The following PCDHAC2 variants were observed in gnomAD, a reference collection of about 807,000 sequenced individuals.
PCDHAC2 encodes the protein protocadherin alpha subfamily C, 2.
PCDHAC2 carries 24 observed loss-of-function variants against 63.3 expected under a neutral mutation model. That is an observed-to-expected ratio of 0.38 (90% CI 0.27 to 0.53). The LOEUF (loss-of-function observed/expected upper bound fraction) is 0.53. Ranked by LOEUF, PCDHAC2 falls within the 20% of genes least tolerant of loss-of-function variation. The pLI, the probability that PCDHAC2 is intolerant of heterozygous loss-of-function variation, is 0.81. For synonymous variants in PCDHAC2, 569 were observed against 529.4 expected (o/e 1.07, Z -1.03); for missense variants, 1,181 against 1,275.2 (o/e 0.93, Z 1.12).
At chr5:140,986,231 C>A (rs2097191592) in intron 3 of PCDHAC2, among the ~76,000 whole-genome samples, 1 of 152,210 alleles carries the variant, frequency 6.6e-6, no homozygotes, top group African/African-American at 2.4e-5. Context: ...AGCCTCCCCT[C>A]TGTGTGAGCA....
At chr5:140,991,472 C>G (rs1480480128) in intron 3 of PCDHAC2, among the ~76,000 whole-genome samples, 1 of 152,172 alleles carries the variant, frequency 6.6e-6, no homozygotes, top group African/African-American at 2.4e-5. Context: ...TCTTACAGTT[C>G]TGGAAGTCAG....
rs782760741 is a variant in PCDHAC2 at position 140,968,641 on chromosome 5, C to T, written c.1875C>T (p.Ala625=). ...ATGCTTGGCTTTTTTACCATCTAGC[C>T]CAGACTTCTGACCTGGACCTCTTTA... is the stretch of plus-strand genomic sequence containing the variant. ...GQNAWLFYHL[A]QTSDLDLFKV... is the part of the protein sequence containing the mutation. Residue 625 remains alanine (A), a synonymous_variant, in exon 1 of 4, where the codon GCC becomes GCT. Transcript: ENST00000289269. The T allele has an allele frequency of 7.4e-6, 12 of 1,614,006 alleles. No individual in the cohort carries two copies. Among genetic ancestry groups the T allele is most frequent in the East Asian group, 4.5e-5 (2 of 44,884 alleles).
At position 141,010,430 on chromosome 5, in the gene PCDHAC2, A is replaced by T; in HGVS notation, c.*493A>T. On this transcript the variant is annotated 3_prime_UTR_variant, in exon 4 of 4. Transcript: ENST00000289269. ...CTAATTGGTACAAGGAAGGCAAGAA[A>T]ACAAAGACAAATAAACAGCGGAAGT... 9.4e-7 allele frequency: 1 copy of T among 1,058,474 alleles called. No homozygotes were observed. Among genetic ancestry groups the T allele is most frequent in the Non-Finnish European group, 1.3e-6 (1 of 756,992 alleles). 65.6% of individuals were successfully genotyped at this position (1,058,474 alleles called of 1,614,324 possible). A position where few individuals can be genotyped will look rare whatever the true frequency, so the allele number is the denominator to read the frequency against.
chr5:140,975,903 C>A (rs1189531342), intron 1 of PCDHAC2, among the ~76,000 whole-genome samples: 1 of 152,090 alleles, frequency 6.6e-6, no homozygotes, highest in Admixed American at 6.6e-5. Context: ...AGTTTTGTGA[C>A]CATTATTCTA....
chr5:140,990,232 C>T (rs983376308), intron 3 of PCDHAC2, among the ~76,000 whole-genome samples: 4 of 152,054 alleles, frequency 2.6e-5, no homozygotes, highest in Non-Finnish European at 4.4e-5. Flanking sequence ...TTGTAACTAG[C>T]GTTGTATTCC....
intron 2 of PCDHAC2, among the ~76,000 whole-genome samples, chr5:140,979,626 A>T (rs2096859120): frequency 2.0e-5 from 3 of 152,204 alleles, no homozygotes; most frequent in Non-Finnish European, 4.4e-5. Flanking sequence ...TTAGTCTAAG[A>T]CTCAGATTAA....
At position 140,968,868 on chromosome 5, in the gene PCDHAC2, A is replaced by G; in HGVS notation, c.2102A>G (p.Tyr701Cys). ...TQRHVKSPRT[Y>C]SEITLYLIIA... is the part of the protein sequence containing the mutation. ...AGGCATGTTAAGAGCCCTCGGACAT[A>G]CTCTGAAATTACCCTTTATCTAATA... Residue 701 changes from tyrosine (Y) to cysteine (C), a missense_variant, in exon 1 of 4, where the codon TAC becomes TGC. By Grantham distance (194) the Tyr-to-Cys change is radical. Around this residue, in one of 3 missense-constraint regions of PCDHAC2, gnomAD observed 968 missense variants for 1,073.5 expected, o/e 0.90. Transcript: ENST00000289269. The G allele has an allele frequency of 3.7e-6, 6 of 1,614,140 alleles. No individual in the cohort carries two copies. The highest frequency in any genetic ancestry group is 5.1e-6 in the Non-Finnish European group (6 of 1,180,022).
intron 2 of PCDHAC2, among the ~76,000 whole-genome samples, chr5:140,981,835 T>C (rs991736759): frequency 6.6e-6 from 1 of 152,162 alleles, no homozygotes; most frequent in Non-Finnish European, 1.5e-5. Context: ...TCTAAAGGTC[T>C]CCCAGTTTGT....
At chr5:141,006,415 G>C (rs185861703) in intron 3 of PCDHAC2, among the ~76,000 whole-genome samples, 2 of 152,146 alleles carry the variant, frequency 1.3e-5, no homozygotes, top group African/African-American at 2.4e-5. Flanking sequence ...CGGTTTCACT[G>C]TGTTAGCCAG....
intron 3 of PCDHAC2, among the ~76,000 whole-genome samples, chr5:141,007,658 A>G (rs2098338890): frequency 6.6e-6 from 1 of 152,098 alleles, no homozygotes; most frequent in Non-Finnish European, 1.5e-5. Context: ...AAAAACCATA[A>G]ATTTACAAAG....
In PCDHAC2 at chr5:141,011,771, G is replaced by A. The variant is rs1327507093; in HGVS notation, c.*1834G>A. On this transcript the variant is annotated 3_prime_UTR_variant, in exon 4 of 4. Transcript: ENST00000289269. ...TCTGACCTCTTTGAAGTTGCAGAATGCTTTGAAATTCTAATGGTATCTGAA... is the reference window on the plus strand; with the variant it reads ...TCTGACCTCTTTGAAGTTGCAGAATACTTTGAAATTCTAATGGTATCTGAA... The A allele has an allele frequency of 1.3e-5, 2 of 153,698 alleles. No individual in the cohort carries two copies. The highest frequency in any genetic ancestry group is 4.8e-5 in the African/African-American group (2 of 41,424). The allele number at this position is 153,698 out of a possible 1,614,324, so 9.5% of individuals were successfully genotyped here.
At chr5:140,982,367 G>A in intron 2 of PCDHAC2, 108 bp from the exon 3 acceptor site, 1 of 1,544,446 alleles carries the variant, frequency 6.5e-7, no homozygotes, top group Non-Finnish European at 8.7e-7. Context: ...AGCAGAATGT[G>A]TTAGCTGCAG....
rs1181664726 is a variant in PCDHAC2 at position 140,982,480 on chromosome 5, T to C, written c.2630T>C (p.Val877Ala). ...GGGTCTGTGTGTTTATTCAGCTCTG[T>C]GCACCTAGAGGAGGCTGGCATTCTA... ...ASLRAGMHSS[V>A]HLEEAGILRA... is the part of the protein sequence containing the mutation. The change falls in exon 3 of 4, where the codon GTG (valine) becomes GCG (alanine). Residue 877 changes from valine (V) to alanine (A), a missense_variant. Coordinates refer to ENST00000289269, the MANE Select transcript of PCDHAC2 (RefSeq NM_018899.6). 5.0e-6 allele frequency: 8 copies of C among 1,614,216 alleles called. No individual in the cohort carries two copies. Among genetic ancestry groups the C allele is most frequent in the Non-Finnish European group, 6.8e-6 (8 of 1,180,038 alleles).
At chr5:140,972,453 G>A (rs2096536665) in intron 1 of PCDHAC2, among the ~76,000 whole-genome samples, 3 of 151,360 alleles carry the variant, frequency 2.0e-5, no homozygotes, top group South Asian at 2.1e-4. Context: ...TTTTTCTCTT[G>A]TTGCTTATTA....
chr5:140,969,311 G>A lies in PCDHAC2; in HGVS notation c.2545G>A (p.Glu849Lys), dbSNP rs2096317598. ...NAGNLIILKN[E>K]AVSQNEPRQP... Reference sequence around the variant, plus strand: ...TGGGAACCTGATTATTCTCAAAAATGAGGCTGTTTCTCAAAATGAGGTGAG... The same window carrying A: ...TGGGAACCTGATTATTCTCAAAAATAAGGCTGTTTCTCAAAATGAGGTGAG... Residue 849 changes from glutamate (E) to lysine (K), a missense_variant, in exon 1 of 4, where the codon GAG becomes AAG. Coordinates refer to ENST00000289269, the MANE Select transcript of PCDHAC2 (RefSeq NM_018899.6). 1.2e-6 allele frequency: 2 copies of A among 1,614,050 alleles called. No homozygotes were observed. The highest frequency in any genetic ancestry group is 1.7e-6 in the Non-Finnish European group (2 of 1,180,046).
rs1353677478 is a variant in PCDHAC2, at chr5:140,969,130, C to A, written c.2364C>A (p.Thr788=). 2.5e-6 allele frequency: 4 copies of A among 1,614,132 alleles called. No individual in the cohort carries two copies. The highest frequency in any genetic ancestry group is 1.7e-6 in the Non-Finnish European group (2 of 1,180,012). The change falls in exon 1 of 4, where the codon ACC becomes ACA. Residue 788 remains threonine, a synonymous_variant. Coordinates refer to ENST00000289269, the MANE Select transcript of PCDHAC2 (RefSeq NM_018899.6). Reference sequence around the variant, plus strand: ...AAGTTCGAGGGAATGGCTCCCTCACCAAGACCTACTGCTACAAGGCCTGTC... The same window carrying A: ...AAGTTCGAGGGAATGGCTCCCTCACAAAGACCTACTGCTACAAGGCCTGTC... The part of the protein sequence containing the change: ...FIEVRGNGSL[T]KTYCYKACLT...
chr5:140,987,850 A>G lies in PCDHAC2; in HGVS notation c.2713+5287A>G, dbSNP rs115051779. Among the ~76,000 whole-genome samples, 1,266 of 152,242 alleles carry G rather than the reference A, an allele frequency of 8.3e-3. 21 individuals are homozygous for G. Among genetic ancestry groups the G allele is most frequent in the African/African-American group, 0.028 (1,145 of 41,532 alleles). On this transcript the variant is annotated intron_variant, in intron 3 of 3. Coordinates refer to ENST00000289269, the MANE Select transcript of PCDHAC2 (RefSeq NM_018899.6). ...GGGATTGCTTTTGCCCTGATTTGCCACATCTCTTTACTCTGTGGAAAATGG... is the reference window on the plus strand; with the variant it reads ...GGGATTGCTTTTGCCCTGATTTGCCGCATCTCTTTACTCTGTGGAAAATGG...
chr5:140,973,741 G>C (rs925905924), intron 1 of PCDHAC2, among the ~76,000 whole-genome samples: 1 of 152,206 alleles, frequency 6.6e-6, no homozygotes, highest in Admixed American at 6.5e-5. Context: ...GTCTAACTCA[G>C]AACACTCTGC....
intron 3 of PCDHAC2, among the ~76,000 whole-genome samples, chr5:140,992,231 G>C (rs1234271245): frequency 1.3e-5 from 2 of 152,176 alleles, no homozygotes; most frequent in African/African-American, 4.8e-5. Context: ...CCTGGGAAGA[G>C]TAAGGAAGGA....
Sources: allele counts gnomAD v4.1 joint callset (sites outside exome capture counted in the v4.1 genomes callset), GRCh38; gene constraint gnomAD v4.1.1; regional missense constraint gnomAD v4.1.1; transcripts MANE v1.5; gene names NCBI Gene and HGNC (gene_info 2026-07-23, HGNC 2026-07-21).